Variants in CCDC91 observed in about 807,000 individuals in gnomAD.
CCDC91 encodes coiled-coil domain containing 91, also known as coiled-coil domain-containing protein 91.
A neutral mutation model predicts 63.2 loss-of-function variants in CCDC91; 48 were observed. The ratio of observed to expected loss-of-function variants is 0.76; its 90% CI spans 0.60 to 0.97. The LOEUF is 0.97. CCDC91 is among the 50% of genes least tolerant of loss of function. CCDC91 has a pLI of 0.00. For synonymous variants in CCDC91, 167 were observed against 165.8 expected (o/e 1.01, Z -0.06); for missense variants, 500 against 494.6 (o/e 1.01, Z -0.10).
intron 1 of CCDC91, chr12:28,236,133 G>A (rs1944931688): frequency 6.6e-6 from 1 of 151,976 alleles, no homozygotes; most frequent in Non-Finnish European, 1.5e-5. Flanking sequence ...ATAGATCAAA[G>A]TTTGATCTCT....
intron 8 of CCDC91, among the ~76,000 whole-genome samples, chr12:28,421,449 G>A (rs1948003828): frequency 6.6e-6 from 1 of 152,026 alleles, no homozygotes; most frequent in Non-Finnish European, 1.5e-5. Context: ...TTAGAAGTGA[G>A]GGCATGTAGT....
At chr12:28,451,950 GAATT>G (rs1949822142) in intron 10 of CCDC91, among the ~76,000 whole-genome samples, 1 of 151,520 alleles carries the variant, frequency 6.6e-6, no homozygotes, top group Non-Finnish European at 1.5e-5. Context: ...GAAGAAATAA[GAATT>G]AATTTAGCTG....
intron 6 of CCDC91, among the ~76,000 whole-genome samples, chr12:28,318,361 GA>G (rs974749390): frequency 3.5e-4 from 49 of 141,932 alleles, no homozygotes; most frequent in Non-Finnish European, 3.6e-4. Context: ...CATTTCTCAA[GA>G]AAAAAAAAAA....
At chr12:28,301,465 A>C (rs916653928) in intron 3 of CCDC91, among the ~76,000 whole-genome samples, 2 of 151,324 alleles carry the variant, frequency 1.3e-5, no homozygotes, top group African/African-American at 4.8e-5. Context: ...TCATTTTTTT[A>C]ATATTTTATT....
At chr12:28,242,822 T>C (rs922225106) in intron 1 of CCDC91, among the ~76,000 whole-genome samples, 1 of 152,124 alleles carries the variant, frequency 6.6e-6, no homozygotes, top group African/African-American at 2.4e-5. Context: ...CCATCCCCTC[T>C]GTGTGGTGCT....
intron 1 of CCDC91, among the ~76,000 whole-genome samples, chr12:28,251,281 T>C (rs1946102435): frequency 6.6e-6 from 1 of 151,980 alleles, no homozygotes; most frequent in Admixed American, 6.6e-5. Context: ...ATTAGACCTT[T>C]TTAGAAGGGG....
intron 8 of CCDC91, among the ~76,000 whole-genome samples, chr12:28,409,398 G>T (rs1053963668): frequency 6.6e-6 from 1 of 151,838 alleles, no homozygotes; most frequent in Non-Finnish European, 1.5e-5. Context: ...ATAAACTTTG[G>T]TGATTATCTC....
At chr12:28,412,891 A>G (rs1167733310) in intron 8 of CCDC91, 1 of 419,868 alleles carries the variant, frequency 2.4e-6, no homozygotes, top group Non-Finnish European at 4.8e-6. Context: ...TACTCGACCC[A>G]GGAAGTCCAG....
chr12:28,224,894 A>G (rs778863336), intron 1 of CCDC91, among the ~76,000 whole-genome samples: 3 of 152,206 alleles, frequency 2.0e-5, no homozygotes, highest in Non-Finnish European at 2.9e-5. Context: ...TCTAGCTAAC[A>G]AGTGAATATT....
At chr12:28,271,486 T>A (rs1339631227) in intron 3 of CCDC91, among the ~76,000 whole-genome samples, 2 of 152,138 alleles carry the variant, frequency 1.3e-5, no homozygotes, top group Non-Finnish European at 2.9e-5. Context: ...AATTACAATT[T>A]TCAGATTAAG....
intron 3 of CCDC91, among the ~76,000 whole-genome samples, chr12:28,277,413 A>G (rs1342249542): frequency 6.6e-6 from 1 of 152,038 alleles, no homozygotes; most frequent in Non-Finnish European, 1.5e-5. Context: ...AACTTTTAGC[A>G]AAAACTGAAT....
intron 12 of CCDC91, among the ~76,000 whole-genome samples, chr12:28,495,322 A>T (rs1436954301): frequency 6.6e-6 from 1 of 151,738 alleles, no homozygotes. Context: ...ACCTTTGTTC[A>T]TTAAGTCTGG....
intron 12 of CCDC91, among the ~76,000 whole-genome samples, chr12:28,499,677 TC>T (rs1328711049): frequency 7.2e-5 from 11 of 152,144 alleles, no homozygotes; most frequent in African/African-American, 2.7e-4. Flanking sequence ...CATGAACTCA[TC>T]CTTTTTTATG....
chr12:28,237,810 A>G (rs1945066781), intron 1 of CCDC91, among the ~76,000 whole-genome samples: 1 of 152,230 alleles, frequency 6.6e-6, no homozygotes, highest in African/African-American at 2.4e-5. Context: ...GAAATATTTA[A>G]TCATAGAATA....
At chr12:28,441,440 T>A (rs2140217523) in intron 8 of CCDC91, among the ~76,000 whole-genome samples, 1 of 152,184 alleles carries the variant, frequency 6.6e-6, no homozygotes, top group Middle Eastern at 3.4e-3. Flanking sequence ...TGGAAGCAGT[T>A]CTAAATGTCT....
intron 3 of CCDC91, among the ~76,000 whole-genome samples, chr12:28,283,209 G>A (rs1421484790): frequency 7.3e-6 from 1 of 136,608 alleles, no homozygotes; most frequent in Non-Finnish European, 1.6e-5. Context: ...GGTCCCATAT[G>A]AATTTTAGGA....
intron 11 of CCDC91, among the ~76,000 whole-genome samples, chr12:28,462,066 A>T (rs1276370650): frequency 6.6e-6 from 1 of 151,712 alleles, no homozygotes. Context: ...TTTTTTTTTA[A>T]TCAGAAGGTA....
At chr12:28,520,333 A>AT (rs1940483068) in intron 12 of CCDC91, among the ~76,000 whole-genome samples, 1 of 151,816 alleles carries the variant, frequency 6.6e-6, no homozygotes, top group South Asian at 2.1e-4. Flanking sequence ...GATGATGAGA[A>AT]TTTTTTCATG....
At chr12:28,215,949 A>G (rs1265514721) in intron 1 of CCDC91, among the ~76,000 whole-genome samples, 3 of 152,148 alleles carry the variant, frequency 2.0e-5, no homozygotes, top group African/African-American at 4.8e-5. Context: ...AAGATTTAAT[A>G]TACTTAAAAT....
Sources: allele counts gnomAD v4.1 joint callset (sites outside exome capture counted in the v4.1 genomes callset), GRCh38; gene constraint gnomAD v4.1.1; transcripts MANE v1.5; gene names NCBI Gene and HGNC (gene_info 2026-07-23, HGNC 2026-07-21).